GKAP1: variants seen among roughly 807,000 people sequenced by gnomAD.
GKAP1 encodes the protein G kinase anchoring protein 1.
A neutral mutation model predicts 56.7 loss-of-function variants in GKAP1; 31 were observed. That is an observed-to-expected ratio of 0.55 (90% CI 0.41 to 0.74). GKAP1 has a LOEUF of 0.74. Among genes scored for constraint, GKAP1 ranks in the 30% least tolerant of loss-of-function variants. GKAP1 has a pLI of 0.00. For missense variants in GKAP1, 364 were observed against 402.3 expected (o/e 0.90, Z 0.82); for synonymous variants, 151 against 138.6 (o/e 1.09, Z -0.63).
intron 2 of GKAP1, among the ~76,000 whole-genome samples, chr9:83,815,413 A>G (rs1430768037): frequency 1.3e-5 from 2 of 151,458 alleles, no homozygotes; most frequent in African/African-American, 4.9e-5. Flanking sequence ...AGCCCGACCC[A>G]AGCAGAAGAA....
intron 8 of GKAP1, among the ~76,000 whole-genome samples, chr9:83,764,921 GA>G (rs1363405559): frequency 1.3e-5 from 2 of 152,162 alleles, no homozygotes; most frequent in Non-Finnish European, 2.9e-5. Flanking sequence ...CAGTAGAAAA[GA>G]AAAACCCATT....
intron 7 of GKAP1, among the ~76,000 whole-genome samples, chr9:83,774,168 G>T (rs558510063): frequency 6.6e-6 from 1 of 152,080 alleles, no homozygotes; most frequent in South Asian, 2.1e-4. Flanking sequence ...ACTGTGCCTG[G>T]TCTATACCTA....
At chr9:83,809,712 A>C (rs1188922173) in intron 2 of GKAP1, among the ~76,000 whole-genome samples, 1 of 152,264 alleles carries the variant, frequency 6.6e-6, no homozygotes, top group African/African-American at 2.4e-5. Context: ...TGACTGCTCA[A>C]ACAATGCATA....
intron 3 of GKAP1, among the ~76,000 whole-genome samples, chr9:83,802,411 A>G (rs1944345536): frequency 6.7e-6 from 1 of 149,994 alleles, no homozygotes; most frequent in Admixed American, 6.7e-5. Flanking sequence ...CCTGGGAAGC[A>G]GAGGAGGTTG....
chr9:83,803,937 C>T (rs1356349478), intron 3 of GKAP1, among the ~76,000 whole-genome samples: 30 of 149,256 alleles, frequency 2.0e-4, no homozygotes, highest in Admixed American at 2.7e-4. Flanking sequence ...CGCCTCTGCC[C>T]GGCCGCGACC....
In GKAP1 at chr9:83,806,570, G is replaced by C. The variant is rs1471405016; in HGVS notation, c.-43-10C>G. 6 of 1,490,776 alleles carry C rather than the reference G, an allele frequency of 4.0e-6. No homozygotes were observed. In the Admixed American group the frequency reaches 1.1e-4, roughly 27 times the overall value. 92.3% of individuals were successfully genotyped at this position (1,490,776 alleles called of 1,614,324 possible). A position where few individuals can be genotyped will look rare whatever the true frequency, so the allele number is the denominator to read the frequency against. Reference sequence around the variant, plus strand: ...CTGTCAAGAATAATTTCTGTGGGGAGGCAGAAGAGTAGGCAGATGGGTAAA... The same window carrying C: ...CTGTCAAGAATAATTTCTGTGGGGACGCAGAAGAGTAGGCAGATGGGTAAA... On this transcript the variant is annotated splice_polypyrimidine_tract_variant and intron_variant, in intron 2 of 12. Transcript: ENST00000376371.
At chr9:83,760,770 TG>T (rs1440401929) in intron 8 of GKAP1, among the ~76,000 whole-genome samples, 1 of 152,002 alleles carries the variant, frequency 6.6e-6, no homozygotes, top group Non-Finnish European at 1.5e-5. Flanking sequence ...GAATGATCAG[TG>T]GGTCAATGAA....
intron 3 of GKAP1, among the ~76,000 whole-genome samples, chr9:83,803,552 G>A (rs1342622621): frequency 2.6e-5 from 4 of 152,226 alleles, no homozygotes; most frequent in African/African-American, 9.6e-5. Flanking sequence ...GGTTCACTCA[G>A]TGCTCAATGG....
intron 3 of GKAP1, among the ~76,000 whole-genome samples, chr9:83,804,623 G>T (rs1261747527): frequency 7.2e-6 from 1 of 139,068 alleles, no homozygotes; most frequent in Non-Finnish European, 1.6e-5. Flanking sequence ...GAGGGAGGTG[G>T]GGGGGGTCAG....
chr9:83,812,118 A>G (rs562100124), intron 2 of GKAP1, among the ~76,000 whole-genome samples: 2 of 151,752 alleles, frequency 1.3e-5, no homozygotes, highest in Admixed American at 1.3e-4. Flanking sequence ...GGGATTACTC[A>G]CTATGCTTAT....
chr9:83,765,937 G>A lies in GKAP1; in HGVS notation c.738+2881C>T, dbSNP rs537796490. Among the ~76,000 whole-genome samples the A allele has an allele frequency of 4.1e-3, 617 of 152,276 alleles. 2 individuals are homozygous for A. The highest frequency in any genetic ancestry group is 5.9e-3 in the Non-Finnish European group (399 of 68,008). ...GAATGAGTTAAGACTTTGGAAGACT[G>A]TTGGGAAGGCATGATTGTGTTTTGA... On this transcript the variant is annotated intron_variant, in intron 8 of 12. Coordinates refer to ENST00000376371, the MANE Select transcript of GKAP1 (RefSeq NM_025211.4).
chr9:83,813,837 C>T (rs538966407), intron 2 of GKAP1, among the ~76,000 whole-genome samples: 91 of 152,288 alleles, frequency 6.0e-4, no homozygotes, highest in Middle Eastern at 3.4e-3. Context: ...TGGTGGTTCA[C>T]ACCTGTAATC....
Position 83,739,748 on chromosome 9 carries a change from T to C in GKAP1, c.1054-4A>G. ...TTCTTTTCCCTTTTCTGCCACCCTGTAAAAAAAAAAAAAAATAGGGAAAAT... is the reference window on the plus strand; with the variant it reads ...TTCTTTTCCCTTTTCTGCCACCCTGCAAAAAAAAAAAAAAATAGGGAAAAT... On this transcript the variant is annotated splice_polypyrimidine_tract_variant and splice_region_variant and intron_variant, in intron 12 of 12. Transcript: ENST00000376371. 1 of 1,466,962 alleles carries C rather than the reference T, an allele frequency of 6.8e-7. No individual in the cohort carries two copies. Among genetic ancestry groups the C allele is most frequent in the Non-Finnish European group, 9.3e-7 (1 of 1,077,262 alleles). 90.9% of individuals were successfully genotyped at this position (1,466,962 alleles called of 1,614,324 possible).
chr9:83,780,148 T>C lies in GKAP1; in HGVS notation c.585+234A>G, dbSNP rs111798987. Among the ~76,000 whole-genome samples, 1,267 of 152,132 alleles carry C rather than the reference T, an allele frequency of 8.3e-3. 20 individuals carry two copies. The highest frequency in any genetic ancestry group is 0.029 in the African/African-American group (1,202 of 41,538). ...GGCTCATACACATATATATACAAAT[T>C]AGGATGATAAAGCCAAATTATATTA... On this transcript the variant is annotated intron_variant, in intron 7 of 12. Coordinates refer to ENST00000376371, the MANE Select transcript of GKAP1 (RefSeq NM_025211.4).
At chr9:83,786,396 G>A (rs911507268) in intron 5 of GKAP1, among the ~76,000 whole-genome samples, 1 of 151,916 alleles carries the variant, frequency 6.6e-6, no homozygotes, top group Non-Finnish European at 1.5e-5. Flanking sequence ...TACAAAATTA[G>A]CCAGGGTGGT....
rs761882263 is a variant in GKAP1, at chr9:83,780,393, T to C, written c.574A>G (p.Lys192Glu). Reference sequence around the variant, plus strand: ...ACAATAAGACTTACCTCAGTCTTTTTACTAATGTGATCTGTAAATGAAAAA... The same window carrying C: ...ACAATAAGACTTACCTCAGTCTTTTCACTAATGTGATCTGTAAATGAAAAA... ...KDFHSEDHIS[K>E]KTEELSSSQT... Residue 192 changes from lysine to glutamate, a missense_variant, in exon 7 of 13, where the codon AAA (lysine) becomes GAA (glutamate). Physicochemically the swap from Lys to Glu is moderately conservative, Grantham distance 56. Transcript: ENST00000376371. 1.2e-4 allele frequency: 161 copies of C among 1,340,934 alleles called. No homozygotes were observed. Among genetic ancestry groups the C allele is most frequent in the Non-Finnish European group, 1.6e-4 (156 of 981,180 alleles). The allele number at this position is 1,340,934 out of a possible 1,614,324, so 83.1% of individuals were successfully genotyped here. A position where few individuals can be genotyped will look rare whatever the true frequency, so the allele number is the denominator to read the frequency against.
At chr9:83,747,036 AT>A (rs1943306631) in intron 10 of GKAP1, among the ~76,000 whole-genome samples, 1 of 152,222 alleles carries the variant, frequency 6.6e-6, no homozygotes, top group Non-Finnish European at 1.5e-5. Flanking sequence ...TTTCATTAGC[AT>A]TTATTAACAG....
In GKAP1 at chr9:83,768,825, TGTTC is replaced by T. The variant is rs2131267669; in HGVS notation, c.727_730del (p.Glu243ThrfsTer7). The stretch of plus-strand genomic sequence containing the variant: ...ATTTTCTACTTTACATGCCTGGTTG[TGTTC>T]ATGAGCTGTACAATTATCTGTTCCA... On this transcript the variant is annotated frameshift_variant, in exon 8 of 13. Transcript: ENST00000376371. LOFTEE classifies it high-confidence loss of function. 1 of 1,609,598 alleles carries T rather than the reference TGTTC, an allele frequency of 6.2e-7. No homozygotes were observed. The highest frequency in any genetic ancestry group is 1.7e-5 in the Admixed American group (1 of 59,064).
At chr9:83,800,653 T>C (rs1944317918) in intron 3 of GKAP1, among the ~76,000 whole-genome samples, 1 of 152,012 alleles carries the variant, frequency 6.6e-6, no homozygotes, top group Non-Finnish European at 1.5e-5. Context: ...CCTCCTTACA[T>C]ATTTTAAGTT....
Sources: allele counts gnomAD v4.1 joint callset (sites outside exome capture counted in the v4.1 genomes callset), GRCh38; gene constraint gnomAD v4.1.1; transcripts MANE v1.5; gene names NCBI Gene and HGNC (gene_info 2026-07-23, HGNC 2026-07-21).